GOLGB1: variants seen among roughly 807,000 people sequenced by gnomAD.
GOLGB1 encodes golgin subfamily B member 1.
Under a neutral mutation model 336.9 loss-of-function variants are expected in GOLGB1, and 174 were observed. That is an observed-to-expected ratio of 0.52 (90% confidence interval 0.46 to 0.59). The LOEUF (loss-of-function observed/expected upper bound fraction) is 0.59. GOLGB1 is among the 20% of genes least tolerant of loss of function. The pLI is 0.00. For synonymous variants in GOLGB1, 1,208 were observed against 1,289.2 expected (o/e 0.94, Z 1.35); for missense variants, 3,331 against 3,645.3 (o/e 0.91, Z 2.22).
intron 5 of GOLGB1, among the ~76,000 whole-genome samples, chr3:121,726,439 AAAAAAAAAAAAAAAAG>A (rs1945613160): frequency 6.7e-6 from 1 of 148,838 alleles, no homozygotes. Flanking sequence ...GTCTCAAAAA[AAAAAAAAAAAAAAAAG>A]AAAAGAAAAG....
At chr3:121,688,580 G>A (rs13074834) in intron 14 of GOLGB1, among the ~76,000 whole-genome samples, 33,451 of 152,062 alleles carry the variant, frequency 0.22, 4,228 homozygotes, top group Non-Finnish European at 0.29. Flanking sequence ...CCAAAGTGCC[G>A]AGAGTGCAGC....
intron 1 of GOLGB1, among the ~76,000 whole-genome samples, chr3:121,748,004 T>G (rs772459490): frequency 5.9e-5 from 9 of 151,984 alleles, no homozygotes; most frequent in Admixed American, 2.0e-4. Flanking sequence ...GAATGATTTA[T>G]TTTATAAACA....
chr3:121,673,053 G>A (rs1387355171), intron 17 of GOLGB1, among the ~76,000 whole-genome samples: 2 of 150,518 alleles, frequency 1.3e-5, no homozygotes, highest in Admixed American at 6.6e-5. Context: ...GCTTTGTTTT[G>A]TGTGTTTTTT....
In GOLGB1 at chr3:121,678,327, A is replaced by T. The variant is rs576396355; in HGVS notation, c.8874-877T>A. 3.3e-5 allele frequency among the ~76,000 whole-genome samples: 5 copies of T among 152,310 alleles called. 1 individual carries two copies. In the South Asian group the frequency reaches 1.0e-3, roughly 32 times the overall value. On this transcript the variant is annotated intron_variant, in intron 15 of 21. Transcript: ENST00000614479. ...TATATCAATGTTGCTTAAGGTTTGAAATCTCCTGTGTCTGAACATTAAGAA... is the reference window on the plus strand; with the variant it reads ...TATATCAATGTTGCTTAAGGTTTGATATCTCCTGTGTCTGAACATTAAGAA...
In GOLGB1 at chr3:121,691,005, C is replaced by T. The variant is rs375250064; in HGVS notation, c.8359G>A (p.Asp2787Asn). Residue 2787 changes from aspartate to asparagine, a missense_variant, in exon 14 of 22, where the codon GAT (aspartate) becomes AAT (asparagine). By Grantham distance (23) the Asp-to-Asn change is conservative (BLOSUM62 1). Coordinates refer to ENST00000614479, the MANE Select transcript of GOLGB1 (RefSeq NM_001366282.2). ...AAGGCGGTTTCAGAAAGAAGAGCAT[C>T]TCTCTCTCTGTTTAAGAGTCCCTGT... ...KEQGLLNRER[D>N]ALLSETAFSM... The T allele has an allele frequency of 6.2e-7, 1 of 1,611,292 alleles. No individual in the cohort carries two copies. The highest frequency in any genetic ancestry group is 8.5e-7 in the Non-Finnish European group (1 of 1,177,866).
intron 14 of GOLGB1, among the ~76,000 whole-genome samples, chr3:121,685,828 T>C (rs188971893): frequency 3.3e-4 from 51 of 152,296 alleles, no homozygotes; most frequent in African/African-American, 1.1e-3. Flanking sequence ...ATTTAGTGAC[T>C]AATTAAATAT....
At position 121,681,801 on chromosome 3, in the gene GOLGB1, TG is replaced by T. The variant is rs758821416; in HGVS notation, c.8758del (p.His2920IlefsTer3). ...CTCCTGAAGTTGAGCCTTCAGTGGA[TG>T]TAACTCAGTGATCTCTTGATTAATC... The part of the protein sequence containing the change: ...LQINQEITEL[H>X]PLKAQLQEYQ... On this transcript the variant is annotated frameshift_variant, in exon 15 of 22. Coordinates refer to ENST00000614479, the MANE Select transcript of GOLGB1 (RefSeq NM_001366282.2). LOFTEE classifies it high-confidence loss of function. 1.9e-6 allele frequency: 3 copies of T among 1,602,268 alleles called. No homozygotes were observed. In the East Asian group the frequency reaches 6.7e-5, roughly 36 times the overall value.
chr3:121,693,258 G>A (rs1272539082), intron 13 of GOLGB1, among the ~76,000 whole-genome samples: 1 of 152,110 alleles, frequency 6.6e-6, no homozygotes, highest in African/African-American at 2.4e-5. Flanking sequence ...AGGCCGAGGT[G>A]GGTGGATCAC....
Position 121,697,242 on chromosome 3 carries a change from T to C in GOLGB1, c.3281A>G (p.Gln1094Arg). 1 of 1,614,146 alleles carries C rather than the reference T, an allele frequency of 6.2e-7. No homozygotes were observed. Among genetic ancestry groups the C allele is most frequent in the Non-Finnish European group, 8.5e-7 (1 of 1,179,986 alleles). The change falls in exon 13 of 22, where the codon CAA becomes CGA. Residue 1094 changes from glutamine (Q) to arginine (R), a missense_variant. By Grantham distance (43) the Gln-to-Arg change is conservative. Coordinates refer to ENST00000614479, the MANE Select transcript of GOLGB1 (RefSeq NM_001366282.2). ...CATCTGTTTGACCAGAGCCTGGAATTGCTCTTCAGCTGCCAGCTTTTCTTC... is the reference window on the plus strand; with the variant it reads ...CATCTGTTTGACCAGAGCCTGGAATCGCTCTTCAGCTGCCAGCTTTTCTTC... ...DLEEKLAAEEQFQALVKQMNQ... is the reference protein window; with the variant it reads ...DLEEKLAAEERFQALVKQMNQ...
At position 121,695,386 on chromosome 3, in the gene GOLGB1, C is replaced by G. The variant is rs759392269; in HGVS notation, c.5137G>C (p.Asp1713His). The change falls in exon 13 of 22, where the codon GAT becomes CAT. Residue 1713 changes from aspartate (D) to histidine (H), a missense_variant. Physicochemically the swap from Asp to His is moderately conservative, Grantham distance 81. Coordinates refer to ENST00000614479, the MANE Select transcript of GOLGB1 (RefSeq NM_001366282.2). The part of the protein sequence containing the change: ...RLRAEVHPAG[D>H]TAKECMETLL... Reference sequence around the variant, plus strand: ...GTTTCCATACACTCTTTAGCTGTATCTCCTGCAGGGTGCACCTCTGCCCTA... The same window carrying G: ...GTTTCCATACACTCTTTAGCTGTATGTCCTGCAGGGTGCACCTCTGCCCTA... 13 of 1,613,822 alleles carry G rather than the reference C, an allele frequency of 8.1e-6. No individual in the cohort carries two copies. The highest frequency in any genetic ancestry group is 1.1e-5 in the Non-Finnish European group (13 of 1,179,884).
intron 8 of GOLGB1, 96 bp downstream of exon 8, chr3:121,718,292 T>C (rs987844252): frequency 4.2e-6 from 3 of 718,928 alleles, no homozygotes; most frequent in Non-Finnish European, 7.2e-6. Flanking sequence ...ATCAATTCTC[T>C]GAAGACTTTA....
chr3:121,722,451 C>A, intron 5 of GOLGB1, 73 bp from the exon 6 acceptor site: 1 of 801,934 alleles, frequency 1.2e-6, no homozygotes, highest in Non-Finnish European at 2.1e-6. Context: ...ATTCTTTGAC[C>A]TCCCTTTCTT....
intron 15 of GOLGB1, among the ~76,000 whole-genome samples, chr3:121,679,261 A>G (rs1940784805): frequency 6.6e-6 from 1 of 152,226 alleles, no homozygotes; most frequent in African/African-American, 2.4e-5. Context: ...ATCCAAAAAA[A>G]TCCGCAATCC....
intron 5 of GOLGB1, among the ~76,000 whole-genome samples, chr3:121,724,916 G>A (rs1945465130): frequency 6.6e-6 from 1 of 152,178 alleles, no homozygotes; most frequent in African/African-American, 2.4e-5. Context: ...CGCAGGTATG[G>A]CTCATGTCAC....
intron 10 of GOLGB1, among the ~76,000 whole-genome samples, chr3:121,706,895 GT>G (rs1271710770): frequency 6.6e-6 from 1 of 151,822 alleles, no homozygotes; most frequent in African/African-American, 2.4e-5. Context: ...AGATAAAGAT[GT>G]CTTCAGACAA....
In GOLGB1 at chr3:121,695,533, CCTT is replaced by C. The variant is rs1560230502; in HGVS notation, c.4987_4989del (p.Lys1663del). On this transcript the variant is annotated inframe_deletion, in exon 13 of 22. Transcript: ENST00000614479. ...GCTTCCTGCAACTGCTTTTCTGTCT[CCTT>C]CTTGTTTGCCTCTGTGCTTCTTAAC... The C allele has an allele frequency of 5.6e-6, 9 of 1,614,016 alleles. No individual in the cohort carries two copies. The highest frequency in any genetic ancestry group is 2.2e-5 in the South Asian group (2 of 91,076).
At position 121,698,874 on chromosome 3, in the gene GOLGB1, T is replaced by G. The variant is rs1369533117; in HGVS notation, c.1649A>C (p.Gln550Pro). 8.1e-6 allele frequency: 13 copies of G among 1,608,752 alleles called. No homozygotes were observed. Among genetic ancestry groups the G allele is most frequent in the Admixed American group, 3.4e-5 (2 of 59,660 alleles). ...KRSSSAEESG[Q>P]DVLENTFSQK... ...AGAAAATGTGTTTTCTAGAACATCT[T>G]GTCCACTTTCCTCAGCAGAAGAGCT... Residue 550 changes from glutamine to proline, a missense_variant, in exon 13 of 22, where the codon CAA becomes CCA. Physicochemically the swap from Gln to Pro is moderately conservative, Grantham distance 76 (BLOSUM62 -1). Transcript: ENST00000614479.
chr3:121,695,403 T>C lies in GOLGB1; in HGVS notation c.5120A>G (p.Glu1707Gly), dbSNP rs765161205. The C allele has an allele frequency of 2.5e-6, 4 of 1,613,670 alleles. No individual in the cohort carries two copies. Among genetic ancestry groups the C allele is most frequent in the Non-Finnish European group, 2.5e-6 (3 of 1,179,560 alleles). The change falls in exon 13 of 22, where the codon GAG (glutamate) becomes GGG (glycine). Residue 1707 changes from glutamate (E) to glycine (G), a missense_variant. By Grantham distance (98) the Glu-to-Gly change is moderately conservative. Coordinates refer to ENST00000614479, the MANE Select transcript of GOLGB1 (RefSeq NM_001366282.2). ...AGCTGTATCTCCTGCAGGGTGCACC[T>C]CTGCCCTAAGCCGGTCATTCTCTTC... ...LEEENDRLRA[E>G]VHPAGDTAKE...
intron 14 of GOLGB1, 119 bp downstream of exon 14, chr3:121,690,551 T>G (rs1192620106): frequency 9.8e-6 from 5 of 508,902 alleles, no homozygotes; most frequent in Admixed American, 7.6e-5. Context: ...TACATAATAC[T>G]TTCCCTGCGT....
Sources: gnomAD v4.1 joint callset for allele counts (sites outside exome capture counted in the v4.1 genomes callset) on GRCh38, gnomAD v4.1.1 for gene constraint, MANE v1.5 for transcripts, NCBI Gene and HGNC (gene_info 2026-07-23, HGNC 2026-07-21) for gene names.